RGS21: variants seen among roughly 807,000 people sequenced by gnomAD.
RGS21 encodes the protein regulator of G-protein signalling 21.
In RGS21, 19 loss-of-function variants were observed where a neutral mutation model predicts 18.7. The ratio of observed to expected loss-of-function variants is 1.01; its 90% CI spans 0.71 to 1.49. RGS21 has a LOEUF of 1.49. RGS21 is among the 40% of genes most tolerant of loss of function. The probability of loss-of-function intolerance (pLI) is 0.00; values close to 1 mark genes in which losing one functional copy is unlikely to be tolerated. For missense variants in RGS21, 194 were observed against 176.8 expected (o/e 1.10, Z -0.55); for synonymous variants, 56 against 57.8 (o/e 0.97, Z 0.14).
At chr1:192,342,736 T>C (rs1658890015) in intron 1 of RGS21, among the ~76,000 whole-genome samples, 1 of 151,982 alleles carries the variant, frequency 6.6e-6, no homozygotes, top group Admixed American at 6.6e-5. Context: ...CAGATGAATA[T>C]GAACTTCAGA....
chr1:192,323,838 A>G (rs1023915419), intron 1 of RGS21, among the ~76,000 whole-genome samples: 2 of 152,150 alleles, frequency 1.3e-5, no homozygotes, highest in Admixed American at 6.6e-5. Flanking sequence ...AATAAAAACT[A>G]AAGTTCCAAA....
At chr1:192,326,484 G>C (rs1658570152) in intron 1 of RGS21, among the ~76,000 whole-genome samples, 1 of 151,908 alleles carries the variant, frequency 6.6e-6, no homozygotes, top group African/African-American at 2.4e-5. Context: ...AATGACATAA[G>C]GAAATAATTC....
chr1:192,341,342 G>C (rs190796426), intron 1 of RGS21, among the ~76,000 whole-genome samples: 1 of 152,038 alleles, frequency 6.6e-6, no homozygotes, highest in Non-Finnish European at 1.5e-5. Flanking sequence ...AGGGAGGGTT[G>C]TATACTTAGC....
chr1:192,331,284 T>A (rs189636149), intron 1 of RGS21, among the ~76,000 whole-genome samples: 100 of 152,306 alleles, frequency 6.6e-4, no homozygotes, highest in African/African-American at 2.4e-3. Flanking sequence ...CTGGGTGTGG[T>A]GGCTCACGCC....
intron 4 of RGS21, among the ~76,000 whole-genome samples, chr1:192,358,722 A>G (rs911949875): frequency 1.3e-5 from 2 of 152,138 alleles, no homozygotes; most frequent in African/African-American, 2.4e-5. Context: ...GTAAAAATAC[A>G]TAAAGCACAG....
chr1:192,358,584 C>T (rs190548565), intron 4 of RGS21, among the ~76,000 whole-genome samples: 256 of 152,038 alleles, frequency 1.7e-3, no homozygotes, highest in African/African-American at 5.6e-3. Flanking sequence ...TTTTGTAAGG[C>T]GTTTTACTTA....
chr1:192,329,087 T>A (rs1658609666), intron 1 of RGS21, among the ~76,000 whole-genome samples: 1 of 152,112 alleles, frequency 6.6e-6, no homozygotes, highest in Admixed American at 6.5e-5. Context: ...CATAATGATG[T>A]GGGTTATAAG....
intron 2 of RGS21, among the ~76,000 whole-genome samples, chr1:192,344,875 T>C (rs971155591): frequency 6.6e-6 from 1 of 152,060 alleles, no homozygotes; most frequent in African/African-American, 2.4e-5. Context: ...CTAAAAACAA[T>C]GTCAGCATTT....
At chr1:192,345,451 T>C (rs1308745122) in intron 2 of RGS21, among the ~76,000 whole-genome samples, 1 of 152,102 alleles carries the variant, frequency 6.6e-6, no homozygotes, top group Admixed American at 6.6e-5. Context: ...AAGGCTTTAA[T>C]ATGTGTCAAT....
At chr1:192,340,843 A>T (rs1658848665) in intron 1 of RGS21, among the ~76,000 whole-genome samples, 1 of 152,086 alleles carries the variant, frequency 6.6e-6, no homozygotes, top group African/African-American at 2.4e-5. Context: ...ATCTCATGAG[A>T]CTTATTCACT....
chr1:192,322,411 T>C (rs954536452), intron 1 of RGS21, among the ~76,000 whole-genome samples: 7 of 152,112 alleles, frequency 4.6e-5, no homozygotes, highest in African/African-American at 1.7e-4. Context: ...TTCACAGTTC[T>C]AATGAATGGC....
At chr1:192,337,686 T>C (rs146731174) in intron 1 of RGS21, among the ~76,000 whole-genome samples, 276 of 152,218 alleles carry the variant, frequency 1.8e-3, no homozygotes, top group African/African-American at 5.4e-3. Context: ...AATATTCAGC[T>C]ACAGTAAAAG....
intron 1 of RGS21, among the ~76,000 whole-genome samples, chr1:192,331,856 C>A (rs912862487): frequency 4.0e-5 from 6 of 151,408 alleles, no homozygotes; most frequent in African/African-American, 1.5e-4. Flanking sequence ...CCTTTGAGAC[C>A]ATTTAAAAGT....
chr1:192,349,528 T>C (rs1185690144), intron 3 of RGS21, among the ~76,000 whole-genome samples: 12 of 152,184 alleles, frequency 7.9e-5, no homozygotes, highest in Non-Finnish European at 2.9e-5. Context: ...TGCTAACCAG[T>C]AAGCATTCCA....
At chr1:192,337,131 G>A (rs779443850) in intron 1 of RGS21, among the ~76,000 whole-genome samples, 2 of 151,906 alleles carry the variant, frequency 1.3e-5, no homozygotes, top group African/African-American at 2.4e-5. Context: ...GGATGTAATA[G>A]ACACATATAG....
intron 1 of RGS21, among the ~76,000 whole-genome samples, chr1:192,339,267 TATG>T (rs895185826): frequency 2.6e-5 from 4 of 151,958 alleles, no homozygotes; most frequent in Non-Finnish European, 5.9e-5. Flanking sequence ...CAAGATAAAA[TATG>T]ATACTTTTGC....
intron 1 of RGS21, among the ~76,000 whole-genome samples, chr1:192,334,123 G>A (rs1389762316): frequency 6.6e-6 from 1 of 152,078 alleles, no homozygotes; most frequent in East Asian, 1.9e-4. Flanking sequence ...GCATGCCTTT[G>A]CTAATCTAGG....
At chr1:192,364,949 A>T (rs762352514) in intron 4 of RGS21, among the ~76,000 whole-genome samples, 1 of 152,040 alleles carries the variant, frequency 6.6e-6, no homozygotes, top group South Asian at 2.1e-4. Context: ...CCTGGCCAAC[A>T]TGGTGAAACC....
At chr1:192,358,246 C>T (rs1659137099) in intron 4 of RGS21, among the ~76,000 whole-genome samples, 1 of 151,974 alleles carries the variant, frequency 6.6e-6, no homozygotes, top group South Asian at 2.1e-4. Flanking sequence ...TCTCTCATTT[C>T]TCTTTCCCAA....
Sources: allele counts gnomAD v4.1 joint callset (sites outside exome capture counted in the v4.1 genomes callset), GRCh38; gene constraint gnomAD v4.1.1; transcripts MANE v1.5; gene names NCBI Gene and HGNC (gene_info 2026-07-23, HGNC 2026-07-21).